Variants in UNC13C observed in about 807,000 individuals in gnomAD.
UNC13C encodes unc-13 homolog C.
A neutral mutation model predicts 245.4 loss-of-function variants in UNC13C; 174 were observed. That is an observed-to-expected ratio of 0.71 (90% CI 0.63 to 0.80). The LOEUF is 0.80. Ranked by LOEUF, UNC13C falls within the 30% of genes least tolerant of loss-of-function variation. UNC13C has a pLI of 0.00. For synonymous variants in UNC13C, 992 were observed against 895.1 expected (o/e 1.11, Z -1.93); for missense variants, 2,829 against 2,602.9 (o/e 1.09, Z -1.89).
intron 17 of UNC13C, among the ~76,000 whole-genome samples, chr15:54,362,163 T>C (rs764783595): frequency 6.6e-6 from 1 of 152,208 alleles, no homozygotes; most frequent in Non-Finnish European, 1.5e-5. Context: ...ATAAAAGACG[T>C]ACTCTTTATC....
At chr15:54,334,639 C>A (rs992506263) in intron 16 of UNC13C, among the ~76,000 whole-genome samples, 1 of 152,144 alleles carries the variant, frequency 6.6e-6, no homozygotes, top group Middle Eastern at 3.4e-3. Context: ...TATCAAAGTT[C>A]ATTTAGATTC....
intron 17 of UNC13C, among the ~76,000 whole-genome samples, chr15:54,361,293 G>A (rs1596281837): frequency 1.3e-5 from 2 of 151,820 alleles, no homozygotes; most frequent in South Asian, 4.2e-4. Context: ...TCTATTCATT[G>A]TATTCAGTAT....
intron 31 of UNC13C, 73 bp downstream of exon 31, chr15:54,622,492 CT>C: frequency 8.6e-7 from 1 of 1,161,964 alleles, no homozygotes; most frequent in Non-Finnish European, 1.3e-6. Context: ...AGCAATGTAA[CT>C]TTTCTTGCAT....
At chr15:54,115,270 A>G (rs1263063786) in intron 2 of UNC13C, among the ~76,000 whole-genome samples, 11 of 152,106 alleles carry the variant, frequency 7.2e-5, no homozygotes, top group Non-Finnish European at 1.3e-4. Context: ...TTAATGTACA[A>G]AAATGTATTT....
chr15:54,114,791 T>A (rs1166380426), intron 2 of UNC13C, among the ~76,000 whole-genome samples: 1 of 152,160 alleles, frequency 6.6e-6, no homozygotes, highest in Non-Finnish European at 1.5e-5. Context: ...TTGTATAAAT[T>A]TTTATTATTG....
At chr15:53,861,192 A>T in the UNC13C span, among the ~76,000 whole-genome samples, 2 of 152,192 alleles carry the variant, frequency 1.3e-5, no homozygotes, top group Non-Finnish European at 2.9e-5. Flanking sequence ...ATTAAAATGA[A>T]TATGTTCAAG....
In UNC13C at chr15:54,014,065, G is replaced by A. The variant is rs1477642014; in HGVS notation, c.1162G>A (p.Asp388Asn). The part of the protein sequence containing the change: ...LVYFETPQQR[D>N]SVLKKSYKLK... ...GTACTTTGAAACCCCTCAACAAAGG[G>A]ATTCTGTCTTAAAAAAGTCATATAA... Residue 388 changes from aspartate (D) to asparagine (N), a missense_variant, in exon 2 of 33, where the codon GAT becomes AAT. By Grantham distance (23) the Asp-to-Asn change is conservative. Transcript: ENST00000260323. 6.2e-7 allele frequency: 1 copy of A among 1,613,752 alleles called. No individual in the cohort carries two copies.
intron 4 of UNC13C, among the ~76,000 whole-genome samples, chr15:54,190,606 T>C (rs1344990074): frequency 2.0e-5 from 3 of 152,140 alleles, no homozygotes; most frequent in African/African-American, 4.8e-5. Context: ...CTAGAAGATA[T>C]ATTGTATTCC....
intron 4 of UNC13C, among the ~76,000 whole-genome samples, chr15:54,183,508 A>G (rs1354973444): frequency 6.6e-6 from 1 of 151,874 alleles, no homozygotes; most frequent in Admixed American, 6.6e-5. Context: ...TTTTATTGAA[A>G]TGATTACTAT....
In UNC13C at chr15:54,414,988, T is replaced by C; in HGVS notation, c.4854T>C (p.Pro1618=). The C allele has an allele frequency of 6.2e-7, 1 of 1,612,386 alleles. No individual in the cohort carries two copies. Among genetic ancestry groups the C allele is most frequent in the East Asian group, 2.2e-5 (1 of 44,758 alleles). The change falls in exon 19 of 33, where the codon CCT becomes CCC. Residue 1618 remains proline, a synonymous_variant. Coordinates refer to ENST00000260323, the MANE Select transcript of UNC13C (RefSeq NM_001080534.3). The stretch of plus-strand genomic sequence containing the variant: ...ACAATGTGTTTGGTTTTAGGTTTCC[T>C]CAAGAGCTGAACATGGGAAAAATAA... ...TAYTPVLNQF[P]QELNMGKISA... is the part of the protein sequence containing the mutation.
intron 30 of UNC13C, among the ~76,000 whole-genome samples, chr15:54,620,521 A>G (rs1900730631): frequency 6.6e-6 from 1 of 152,058 alleles, no homozygotes; most frequent in South Asian, 2.1e-4. Flanking sequence ...TGTATTAGTT[A>G]CTCGTGCTGC....
rs35220958 is a variant in UNC13C at position 54,113,086 on chromosome 15, AT to A, written c.2984-29922del. ...TTTACTCTTTATCATGTTAGGCGAGATTTTTTTTTTCCACCTCTCCTCCACA... is the reference window on the plus strand; with the variant it reads ...TTTACTCTTTATCATGTTAGGCGAGATTTTTTTTTCCACCTCTCCTCCACA... On this transcript the variant is annotated intron_variant, in intron 2 of 32. Transcript: ENST00000260323. 2.0e-4 allele frequency among the ~76,000 whole-genome samples: 30 copies of A among 151,072 alleles called. No homozygotes were observed. The East Asian group carries it at 4.5e-3, about 23-fold the overall frequency.
chr15:54,024,968 CTTCA>C (rs1395902157), intron 2 of UNC13C, among the ~76,000 whole-genome samples: 2 of 152,162 alleles, frequency 1.3e-5, no homozygotes, highest in African/African-American at 4.8e-5. Context: ...TTGCTAACCA[CTTCA>C]TTCATCAAAC....
intron 2 of UNC13C, among the ~76,000 whole-genome samples, chr15:54,109,587 C>T (rs1489719796): frequency 2.0e-5 from 3 of 151,942 alleles, no homozygotes; most frequent in Non-Finnish European, 4.4e-5. Flanking sequence ...GGTGATCCAT[C>T]CACCTCGGCC....
chr15:54,429,283 A>C (rs1002682191), intron 19 of UNC13C, among the ~76,000 whole-genome samples: 5 of 151,770 alleles, frequency 3.3e-5, no homozygotes, highest in African/African-American at 4.8e-5. Context: ...TATTATACGA[A>C]TGTTTTTAAT....
chr15:54,620,424 C>T (rs1282725497), intron 30 of UNC13C, among the ~76,000 whole-genome samples: 1 of 152,162 alleles, frequency 6.6e-6, no homozygotes, highest in Non-Finnish European at 1.5e-5. Flanking sequence ...TCCTTCATAA[C>T]TAAGGACATC....
chr15:54,426,105 A>T (rs1368923447), intron 19 of UNC13C, among the ~76,000 whole-genome samples: 1 of 151,660 alleles, frequency 6.6e-6, no homozygotes, highest in East Asian at 1.9e-4. Flanking sequence ...AATCCAGCAT[A>T]ATCTTTTGTC....
chr15:53,986,156 C>T (rs1448944440), intron 1 of UNC13C, among the ~76,000 whole-genome samples: 2 of 152,060 alleles, frequency 1.3e-5, no homozygotes, highest in Admixed American at 6.6e-5. Flanking sequence ...TAGACAAGTA[C>T]ACTCACCTGT....
chr15:54,131,623 T>C (rs549947109), intron 2 of UNC13C, among the ~76,000 whole-genome samples: 1 of 152,330 alleles, frequency 6.6e-6, no homozygotes, highest in East Asian at 1.9e-4. Flanking sequence ...AGGCACTTAG[T>C]AGTCATCTCC....
Sources: gnomAD v4.1 joint callset for allele counts (sites outside exome capture counted in the v4.1 genomes callset) on GRCh38, gnomAD v4.1.1 for gene constraint, MANE v1.5 for transcripts, NCBI Gene and HGNC (gene_info 2026-07-23, HGNC 2026-07-21) for gene names.